The following ADAMTS5 variants were observed in gnomAD, a reference collection of about 807,000 sequenced individuals.
ADAMTS5 encodes the protein ADAM metallopeptidase with thrombospondin type 1 motif 5.
ADAMTS5 carries 54 observed loss-of-function variants against 81.4 expected under a neutral mutation model. The observed-to-expected ratio is 0.66, with a 90% confidence interval of 0.53 to 0.83. ADAMTS5 has a LOEUF of 0.83. Among genes scored for constraint, ADAMTS5 ranks in the 40% least tolerant of loss-of-function variants. The probability of loss-of-function intolerance (pLI) is 0.00; values close to 1 mark genes in which losing one functional copy is unlikely to be tolerated. For missense variants in ADAMTS5, 1,194 were observed against 1,229.9 expected (o/e 0.97, Z 0.44); for synonymous variants, 532 against 508.8 (o/e 1.05, Z -0.61).
Position 26,934,648 on chromosome 21 carries a change from G to A in ADAMTS5, c.1507C>T (p.Pro503Ser). 1 of 1,614,148 alleles carries A rather than the reference G, an allele frequency of 6.2e-7. No individual in the cohort carries two copies. The highest frequency in any genetic ancestry group is 8.5e-7 in the Non-Finnish European group (1 of 1,180,026). Residue 503 changes from proline to serine, a missense_variant, in exon 4 of 8, where the codon CCT (proline) becomes TCT (serine). Physicochemically the swap from Pro to Ser is moderately conservative, Grantham distance 74 (BLOSUM62 -1). This residue lies in a region of ADAMTS5 where 696 missense variants were observed against 817.6 expected (regional missense o/e 0.85). Coordinates refer to ENST00000284987, the MANE Select transcript of ADAMTS5 (RefSeq NM_007038.5). ...ATQQCNLTFG[P>S]EYSVCPGMDV... The stretch of plus-strand genomic sequence containing the variant: ...ATGCCGGGACACACGGAGTACTCAG[G>A]CCCGAATGTCAGGTTGCACTGCTGG...
intron 2 of ADAMTS5, 127 bp downstream of exon 2, chr21:26,954,612 C>A (rs1987384892): frequency 7.1e-7 from 1 of 1,414,576 alleles, no homozygotes; most frequent in Non-Finnish European, 9.5e-7. Context: ...CAGATATAAA[C>A]AAATTTAATT....
At chr21:26,954,696 C>G (rs376127263) in intron 2 of ADAMTS5, 43 bp downstream of exon 2, 1 of 1,606,512 alleles carries the variant, frequency 6.2e-7, no homozygotes, top group African/African-American at 1.3e-5. Flanking sequence ...GCAGCTGTTA[C>G]AAGTGTTTGA....
chr21:26,922,997 C>T lies in ADAMTS5; in HGVS notation c.*1056G>A, dbSNP rs191048456. Reference sequence around the variant, plus strand: ...TTGTAGGTCTTACTGAACCCTTGAACAAAACAAATAAGCAAACACAAATGC... The same window carrying T: ...TTGTAGGTCTTACTGAACCCTTGAATAAAACAAATAAGCAAACACAAATGC... On this transcript the variant is annotated 3_prime_UTR_variant, in exon 8 of 8. Coordinates refer to ENST00000284987, the MANE Select transcript of ADAMTS5 (RefSeq NM_007038.5). 3 of 152,426 alleles carry T rather than the reference C, an allele frequency of 2.0e-5. No homozygotes were observed. The highest frequency in any genetic ancestry group is 4.4e-5 in the Non-Finnish European group (3 of 67,970). The allele number at this position is 152,426 out of a possible 1,614,324, so 9.4% of individuals were successfully genotyped here.
At chr21:26,925,466 T>C (rs1368201907) in intron 7 of ADAMTS5, among the ~76,000 whole-genome samples, 4 of 152,160 alleles carry the variant, frequency 2.6e-5, no homozygotes, top group African/African-American at 7.2e-5. Context: ...CAAAGAGCCA[T>C]CATCTGGACA....
intron 4 of ADAMTS5, 68 bp from the exon 5 acceptor site, chr21:26,933,112 A>G (rs1208903490): frequency 2.4e-5 from 35 of 1,470,218 alleles, no homozygotes; most frequent in Non-Finnish European, 3.1e-5. Flanking sequence ...GCATTTGGAA[A>G]TCACCTGCAT....
rs1486887134 is a variant in ADAMTS5 at position 26,965,685 on chromosome 21, G to A, written c.707C>T (p.Ser236Leu). ...SNPSGRAALA[S>L]QLLDQSALSP... ...GAGAGCGGACTGGTCCAAGAGCTGC[G>A]AGGCCAGTGCTGCGCGTCCGCTCGG... The change falls in exon 1 of 8, where the codon TCG (serine) becomes TTG (leucine). Residue 236 changes from serine (S) to leucine (L), a missense_variant. Ser to Leu is a moderately radical substitution (Grantham distance 145). Around this residue, in one of 2 missense-constraint regions of ADAMTS5, gnomAD observed 498 missense variants for 412.3 expected, o/e 1.21. Coordinates refer to ENST00000284987, the MANE Select transcript of ADAMTS5 (RefSeq NM_007038.5). 4 of 1,584,824 alleles carry A rather than the reference G, an allele frequency of 2.5e-6. No individual in the cohort carries two copies. The highest frequency in any genetic ancestry group is 3.4e-6 in the Non-Finnish European group (4 of 1,168,004).
At chr21:26,950,666 CTTT>C in intron 2 of ADAMTS5, among the ~76,000 whole-genome samples, 1 of 152,236 alleles carries the variant, frequency 6.6e-6, no homozygotes, top group Admixed American at 6.5e-5. Flanking sequence ...AATCTAGCAG[CTTT>C]TTTGAAAGAA....
At chr21:26,944,663 A>G (rs971833501) in intron 2 of ADAMTS5, among the ~76,000 whole-genome samples, 2 of 152,184 alleles carry the variant, frequency 1.3e-5, no homozygotes, top group Admixed American at 6.6e-5. Context: ...TTTAGGAAAC[A>G]CTGTAGCAAA....
At chr21:26,941,222 A>G (rs1987108547) in intron 3 of ADAMTS5, among the ~76,000 whole-genome samples, 2 of 152,172 alleles carry the variant, frequency 1.3e-5, no homozygotes, top group Admixed American at 6.5e-5. Flanking sequence ...TAAGTAAACT[A>G]TAAGCATTTT....
At chr21:26,924,671 G>GAGAAAAA in intron 7 of ADAMTS5, 51 bp from the exon 8 acceptor site, 1 of 1,450,392 alleles carries the variant, frequency 6.9e-7, no homozygotes, top group African/African-American at 1.4e-5. Context: ...TAAAAAAAGG[G>GAGAAAAA]AGAAAAAAAT....
Position 26,965,892 on chromosome 21 carries a change from G to A in ADAMTS5, c.500C>T (p.Pro167Leu). Residue 167 changes from proline (P) to leucine (L), a missense_variant, in exon 1 of 8, where the codon CCA becomes CTA. Coordinates refer to ENST00000284987, the MANE Select transcript of ADAMTS5 (RefSeq NM_007038.5). ...AVKHARYTLK[P>L]LLRGPWAEEE... ...CTCCGCCCAGGGTCCGCGCAGCAGT[G>A]GCTTTAGGGTGTAGCGCGCGTGCTT... is the stretch of plus-strand genomic sequence containing the variant. 6.2e-7 allele frequency: 1 copy of A among 1,613,940 alleles called. No homozygotes were observed. Among genetic ancestry groups the A allele is most frequent in the East Asian group, 2.2e-5 (1 of 44,862 alleles).
chr21:26,937,828 C>T (rs1036820969), intron 3 of ADAMTS5, among the ~76,000 whole-genome samples: 9 of 152,200 alleles, frequency 5.9e-5, no homozygotes, highest in Non-Finnish European at 2.9e-5. Flanking sequence ...ATCTACTTCA[C>T]ATATTTTCTA....
rs1026016242 is a variant in ADAMTS5, at chr21:26,922,343, G to T, written c.*1710C>A. The T allele has an allele frequency of 2.0e-5, 3 of 151,976 alleles. No individual in the cohort carries two copies. The highest frequency in any genetic ancestry group is 7.2e-5 in the African/African-American group (3 of 41,392). The allele number at this position is 151,976 out of a possible 1,614,324, so 9.4% of individuals were successfully genotyped here. On this transcript the variant is annotated 3_prime_UTR_variant, in exon 8 of 8. Transcript: ENST00000284987. ...GCCCACTGAAATGATGTAATATAGT[G>T]ATCAGTTACATAATTCTTTTATATT...
At chr21:26,953,585 A>C (rs552404394) in intron 2 of ADAMTS5, among the ~76,000 whole-genome samples, 61 of 152,334 alleles carry the variant, frequency 4.0e-4, no homozygotes, top group Middle Eastern at 3.4e-3. Context: ...AATGTAAAAA[A>C]GTAGTTTTAA....
chr21:26,931,773 C>T (rs1010746661), intron 6 of ADAMTS5, among the ~76,000 whole-genome samples: 6 of 152,214 alleles, frequency 3.9e-5, no homozygotes, highest in African/African-American at 9.6e-5. Flanking sequence ...CAGTGAGTTA[C>T]ACCTTTTAAA....
In ADAMTS5 at chr21:26,951,655, G is replaced by A. The variant is rs149982450; in HGVS notation, c.1237+3084C>T. Reference sequence around the variant, plus strand: ...GCCTGCGCCATTGCACTCCAGCCTGGGCAACAAGAGTGACCCTCCATCTCA... The same window carrying A: ...GCCTGCGCCATTGCACTCCAGCCTGAGCAACAAGAGTGACCCTCCATCTCA... On this transcript the variant is annotated intron_variant, in intron 2 of 7. Transcript: ENST00000284987. 9.5e-3 allele frequency among the ~76,000 whole-genome samples: 1,062 copies of A among 111,594 alleles called. 13 individuals carry two copies. Among genetic ancestry groups the A allele is most frequent in the African/African-American group, 0.036 (1,011 of 28,404 alleles). The allele number at this position is 111,594 out of a possible 152,430, so 73.2% of individuals were successfully genotyped here. A position where few individuals can be genotyped will look rare whatever the true frequency, so the allele number is the denominator to read the frequency against.
intron 2 of ADAMTS5, among the ~76,000 whole-genome samples, chr21:26,944,735 G>C (rs991687903): frequency 3.3e-5 from 5 of 152,014 alleles, no homozygotes; most frequent in African/African-American, 1.2e-4. Context: ...GGCCATTCTA[G>C]CAAAAGAGTC....
intron 1 of ADAMTS5, among the ~76,000 whole-genome samples, chr21:26,964,819 A>C (rs1391558491): frequency 6.6e-6 from 1 of 152,238 alleles, no homozygotes; most frequent in East Asian, 1.9e-4. Context: ...GGACACTTAC[A>C]AAAGAAGGTC....
intron 5 of ADAMTS5, 92 bp from the exon 6 acceptor site, chr21:26,932,271 T>C (rs1368948029): frequency 3.6e-6 from 5 of 1,384,518 alleles, no homozygotes; most frequent in Non-Finnish European, 4.8e-6. Flanking sequence ...AAGGGGAAGA[T>C]GCAAACGTGT....
Sources: gnomAD v4.1 joint callset for allele counts (sites outside exome capture counted in the v4.1 genomes callset) on GRCh38, gnomAD v4.1.1 for gene constraint, gnomAD v4.1.1 regional missense constraint, MANE v1.5 for transcripts, NCBI Gene and HGNC (gene_info 2026-07-23, HGNC 2026-07-21) for gene names.